The following EXOC4 variants were observed in gnomAD, a reference collection of about 807,000 sequenced individuals.
EXOC4 encodes the protein SEC8-like 1.
A neutral mutation model predicts 107.2 loss-of-function variants in EXOC4; 71 were observed. The observed-to-expected ratio is 0.66, with a 90% confidence interval of 0.55 to 0.81. The LOEUF (loss-of-function observed/expected upper bound fraction) is 0.81, where lower values mean the gene tolerates loss of function less well. Among genes scored for constraint, EXOC4 ranks in the 30% least tolerant of loss-of-function variants. The pLI, the probability that EXOC4 is intolerant of heterozygous loss-of-function variation, is 0.00. For synonymous variants in EXOC4, 456 were observed against 441.2 expected (o/e 1.03, Z -0.42); for missense variants, 1,108 against 1,189.6 (o/e 0.93, Z 1.01).
intron 10 of EXOC4, among the ~76,000 whole-genome samples, chr7:133,659,352 A>C (rs192950042): frequency 6.6e-5 from 10 of 152,228 alleles, no homozygotes; most frequent in African/African-American, 1.4e-4. Flanking sequence ...TGTGTTTGCT[A>C]ATGATGAACG....
intron 7 of EXOC4, among the ~76,000 whole-genome samples, chr7:133,438,190 A>G (rs1798019844): frequency 6.6e-6 from 1 of 152,184 alleles, no homozygotes; most frequent in African/African-American, 2.4e-5. Context: ...TTTCCCCAAG[A>G]GGAATTTTAA....
chr7:133,387,162 G>A (rs189271309), intron 7 of EXOC4, among the ~76,000 whole-genome samples: 93 of 152,222 alleles, frequency 6.1e-4, no homozygotes, highest in African/African-American at 2.0e-3. Flanking sequence ...TTAAGAGGCA[G>A]GATTAGTAAG....
At chr7:133,606,514 ATTATTT>A (rs1263277429) in intron 9 of EXOC4, among the ~76,000 whole-genome samples, 5 of 142,876 alleles carry the variant, frequency 3.5e-5, no homozygotes, top group African/African-American at 1.3e-4. Flanking sequence ...TATTATTATT[ATTATTT>A]TTTTTTTTTT....
intron 12 of EXOC4, among the ~76,000 whole-genome samples, chr7:133,913,997 T>C (rs1799751222): frequency 1.3e-5 from 2 of 151,984 alleles, no homozygotes; most frequent in Admixed American, 6.6e-5. Context: ...TAATCAAAAG[T>C]GTTGGATGCT....
At chr7:133,626,886 G>A (rs920921230) in intron 9 of EXOC4, among the ~76,000 whole-genome samples, 3 of 152,076 alleles carry the variant, frequency 2.0e-5, no homozygotes, top group African/African-American at 7.2e-5. Flanking sequence ...GAGGATACAG[G>A]GAGATTTGCT....
chr7:133,449,868 T>C (rs1467633909), intron 7 of EXOC4, among the ~76,000 whole-genome samples: 1 of 152,168 alleles, frequency 6.6e-6, no homozygotes, highest in African/African-American at 2.4e-5. Flanking sequence ...TTTTCCCATC[T>C]ATATTTGGGA....
chr7:133,294,946 T>C (rs2150554018), intron 3 of EXOC4, among the ~76,000 whole-genome samples: 1 of 152,228 alleles, frequency 6.6e-6, no homozygotes, highest in African/African-American at 2.4e-5. Flanking sequence ...TTATCTTTGC[T>C]GAAAGCTGGA....
chr7:134,085,821 G>C, the EXOC4 span, among the ~76,000 whole-genome samples: 1 of 152,164 alleles, frequency 6.6e-6, no homozygotes, highest in Non-Finnish European at 1.5e-5. Context: ...TGGGAGCCTG[G>C]CAAAATATTT....
At chr7:133,591,547 G>GGT (rs199675433) in intron 9 of EXOC4, among the ~76,000 whole-genome samples, 66 of 59,232 alleles carry the variant, frequency 1.1e-3, no homozygotes, top group East Asian at 9.9e-3. Context: ...TTAAAGATCT[G>GGT]GTGTGTGTGT....
At chr7:133,877,720 G>A (rs1039103594) in intron 11 of EXOC4, among the ~76,000 whole-genome samples, 2 of 131,310 alleles carry the variant, frequency 1.5e-5, no homozygotes, top group African/African-American at 5.7e-5. Flanking sequence ...GGTTCTACAC[G>A]GAAGATCTAC....
At chr7:133,998,953 A>G (rs992033429) in intron 15 of EXOC4, among the ~76,000 whole-genome samples, 3 of 152,140 alleles carry the variant, frequency 2.0e-5, no homozygotes, top group African/African-American at 7.2e-5. Context: ...TGGTGCAATA[A>G]GAGGAAAGAC....
chr7:133,446,411 T>C (rs180866439), intron 7 of EXOC4, among the ~76,000 whole-genome samples: 1 of 152,344 alleles, frequency 6.6e-6, no homozygotes, highest in Admixed American at 6.5e-5. Context: ...TGGTTATTCC[T>C]AGTTTTTAAC....
At chr7:133,661,501 A>G (rs774863520) in intron 10 of EXOC4, among the ~76,000 whole-genome samples, 11 of 152,176 alleles carry the variant, frequency 7.2e-5, no homozygotes, top group South Asian at 2.1e-4. Flanking sequence ...AGCTGGCCCT[A>G]TGGATATATC....
At chr7:133,825,057 G>C (rs1419160808) in intron 11 of EXOC4, among the ~76,000 whole-genome samples, 1 of 151,958 alleles carries the variant, frequency 6.6e-6, no homozygotes, top group Non-Finnish European at 1.5e-5. Context: ...CAGTGTGGAA[G>C]TATTGCCATT....
intron 10 of EXOC4, among the ~76,000 whole-genome samples, chr7:133,680,964 C>T (rs921583538): frequency 1.2e-4 from 18 of 152,196 alleles, no homozygotes; most frequent in African/African-American, 2.9e-4. Context: ...ATGATTTTTA[C>T]GAAAACCATT....
At chr7:133,503,991 G>A (rs910036294) in intron 9 of EXOC4, among the ~76,000 whole-genome samples, 17 of 150,830 alleles carry the variant, frequency 1.1e-4, no homozygotes, top group Admixed American at 2.6e-4. Flanking sequence ...GTATATGTGT[G>A]TATATATATA....
chr7:133,668,122 A>T (rs1793859114), intron 10 of EXOC4, among the ~76,000 whole-genome samples: 1 of 152,206 alleles, frequency 6.6e-6, no homozygotes, highest in Non-Finnish European at 1.5e-5. Flanking sequence ...CTACAGAAGC[A>T]CTGTATGGTT....
chr7:133,440,323 A>T (rs531663056), intron 7 of EXOC4, among the ~76,000 whole-genome samples: 11 of 151,948 alleles, frequency 7.2e-5, no homozygotes, highest in African/African-American at 2.4e-4. Flanking sequence ...AAAAGCTCTC[A>T]TTCTGTTATT....
intron 9 of EXOC4, among the ~76,000 whole-genome samples, chr7:133,579,442 A>G (rs1391138069): frequency 6.6e-6 from 1 of 152,146 alleles, no homozygotes; most frequent in Non-Finnish European, 1.5e-5. Flanking sequence ...ACTAGTATTT[A>G]TCTTTATCAT....
Sources: allele counts gnomAD v4.1 joint callset (sites outside exome capture counted in the v4.1 genomes callset), GRCh38; gene constraint gnomAD v4.1.1; transcripts MANE v1.5; gene names NCBI Gene and HGNC (gene_info 2026-07-23, HGNC 2026-07-21).